The following RTN1 variants were observed in gnomAD, a reference collection of about 807,000 sequenced individuals.
RTN1 encodes the protein reticulon-1.
In RTN1, 25 loss-of-function variants were observed where a neutral mutation model predicts 65.5. The ratio of observed to expected loss-of-function variants is 0.38; its 90% CI spans 0.28 to 0.53. RTN1 has a LOEUF of 0.53. Among genes scored for constraint, RTN1 ranks in the 20% least tolerant of loss-of-function variants. The pLI is 0.79. For synonymous variants in RTN1, 471 were observed against 447.6 expected (o/e 1.05, Z -0.66); for missense variants, 983 against 1,025.4 (o/e 0.96, Z 0.57).
In RTN1 at chr14:59,790,267, TCA is replaced by T. The variant is rs961435040; in HGVS notation, c.242-43788_242-43787del. ...ACAATCTACTCATTCATTATGTATG[TCA>T]CACACACACACAGACACACACACAC... On this transcript the variant is annotated intron_variant, in intron 1 of 8. Coordinates refer to ENST00000267484, the MANE Select transcript of RTN1 (RefSeq NM_021136.3). The surrounding 1 kb of genome is among the most constrained non-coding windows in gnomAD (Gnocchi z 4.1). 2.0e-5 allele frequency among the ~76,000 whole-genome samples: 3 copies of T among 151,198 alleles called. No homozygotes were observed. Among genetic ancestry groups the T allele is most frequent in the East Asian group, 1.9e-4 (1 of 5,166 alleles).
intron 3 of RTN1, among the ~76,000 whole-genome samples, chr14:59,669,912 T>C (rs770621132): frequency 3.9e-5 from 6 of 152,334 alleles, no homozygotes; most frequent in African/African-American, 1.4e-4. Flanking sequence ...GACTCCTTGT[T>C]CCAGAGCAAC....
rs115579322 is a variant in RTN1 at position 59,839,321 on chromosome 14, C to T, written c.241+31069G>A. Among the ~76,000 whole-genome samples the T allele has an allele frequency of 3.1e-3, 467 of 152,222 alleles. 2 individuals are homozygous for T. The highest frequency in any genetic ancestry group is 0.011 in the African/African-American group (439 of 41,554). On this transcript the variant is annotated intron_variant, in intron 1 of 8. Coordinates refer to ENST00000267484, the MANE Select transcript of RTN1 (RefSeq NM_021136.3). Reference sequence around the variant, plus strand: ...CAGGAACCCTATCTTCCTTTAAAAACGTTTAAAACACTCATTAGCCTGTCT... The same window carrying T: ...CAGGAACCCTATCTTCCTTTAAAAATGTTTAAAACACTCATTAGCCTGTCT...
chr14:59,855,869 C>T (rs1887597870), intron 1 of RTN1, among the ~76,000 whole-genome samples: 1 of 152,160 alleles, frequency 6.6e-6, no homozygotes, highest in Non-Finnish European at 1.5e-5. Flanking sequence ...CCCTCCTTGG[C>T]TTTTGTGGTG....
chr14:59,621,884 A>G (rs1171132919), intron 3 of RTN1, among the ~76,000 whole-genome samples: 1 of 152,246 alleles, frequency 6.6e-6, no homozygotes, highest in African/African-American at 2.4e-5. Flanking sequence ...GTAAAATGTG[A>G]CATAAGCGGA....
chr14:59,861,284 G>T (rs1887705234), intron 1 of RTN1, among the ~76,000 whole-genome samples: 1 of 152,086 alleles, frequency 6.6e-6, no homozygotes, highest in South Asian at 2.1e-4. Context: ...TTATAAGGGG[G>T]ATTTTCCCTG....
intron 1 of RTN1, among the ~76,000 whole-genome samples, chr14:59,819,205 G>T (rs939180101): frequency 6.6e-6 from 1 of 152,080 alleles, no homozygotes; most frequent in Non-Finnish European, 1.5e-5. Context: ...GGACCTGAAA[G>T]GTGAGCAGCA....
chr14:59,730,053 T>C (rs1181322451), intron 2 of RTN1, among the ~76,000 whole-genome samples: 4 of 152,224 alleles, frequency 2.6e-5, no homozygotes, highest in Non-Finnish European at 5.9e-5. Flanking sequence ...TTGTCGGTTT[T>C]CTTGGCCATC....
At chr14:59,847,967 G>A (rs937583624) in intron 1 of RTN1, among the ~76,000 whole-genome samples, 2 of 152,124 alleles carry the variant, frequency 1.3e-5, no homozygotes, top group Non-Finnish European at 2.9e-5. Context: ...CACTCTGCTG[G>A]AGACCTGAAA....
Position 59,727,284 on chromosome 14 carries a change from A to G in RTN1, c.1400T>C (p.Ile467Thr). The G allele has an allele frequency of 6.7e-7, 1 of 1,503,004 alleles. No individual in the cohort carries two copies. The highest frequency in any genetic ancestry group is 8.9e-7 in the Non-Finnish European group (1 of 1,125,178). 93.1% of individuals were successfully genotyped at this position (1,503,004 alleles called of 1,614,324 possible). Residue 467 changes from isoleucine to threonine, a missense_variant, in exon 3 of 9, where the codon ATC becomes ACC. Coordinates refer to ENST00000267484, the MANE Select transcript of RTN1 (RefSeq NM_021136.3). This position sits in a 1 kb window ranked among gnomAD's most constrained non-coding sequence, Gnocchi z 4.2. ...CGAGGAGGCGTCGCACGACTCGATGATGAGCTCGCTGTCCAGCTCGGCCTC... is the reference window on the plus strand; with the variant it reads ...CGAGGAGGCGTCGCACGACTCGATGGTGAGCTCGCTGTCCAGCTCGGCCTC... Reference protein sequence around the residue: ...EREAELDSELIIESCDASSAS... With the variant: ...EREAELDSELTIESCDASSAS...
At chr14:59,819,244 C>T (rs1033728800) in intron 1 of RTN1, among the ~76,000 whole-genome samples, 3 of 152,136 alleles carry the variant, frequency 2.0e-5, no homozygotes, top group Non-Finnish European at 1.5e-5. Context: ...AGCGAAAGAA[C>T]TAACCTTCCA....
intron 2 of RTN1, among the ~76,000 whole-genome samples, chr14:59,731,731 T>C (rs1479096616): frequency 4.6e-5 from 7 of 152,208 alleles, no homozygotes; most frequent in African/African-American, 1.7e-4. Context: ...CTCAACAGTA[T>C]TTGACACACT....
rs1594703612 is a variant in RTN1 at position 59,727,369 on chromosome 14, C to T, written c.1315G>A (p.Gly439Ser). Residue 439 changes from glycine to serine, a missense_variant, in exon 3 of 9, where the codon GGC (glycine) becomes AGC (serine). Physicochemically the swap from Gly to Ser is moderately conservative, Grantham distance 56. Coordinates refer to ENST00000267484, the MANE Select transcript of RTN1 (RefSeq NM_021136.3). The surrounding 1 kb of genome is among the most constrained non-coding windows in gnomAD (Gnocchi z 4.2). ...GGCGAGGCGGGCGAGGGCGGCGGGC[C>T]GCCCACGTGGCCAAAGCTCACATAG... is the stretch of plus-strand genomic sequence containing the variant. Reference protein sequence around the residue: ...SGYVSFGHVGGPPPSPASPSI... With the variant: ...SGYVSFGHVGSPPPSPASPSI... 2 of 1,517,912 alleles carry T rather than the reference C, an allele frequency of 1.3e-6. No homozygotes were observed. The highest frequency in any genetic ancestry group is 2.1e-5 in the Admixed American group (1 of 48,692). 94.0% of individuals were successfully genotyped at this position (1,517,912 alleles called of 1,614,324 possible).
rs893782443 is a variant in RTN1, at chr14:59,790,719, T to C, written c.242-44238A>G. Among the ~76,000 whole-genome samples, 5 of 152,150 alleles carry C rather than the reference T, an allele frequency of 3.3e-5. No individual in the cohort carries two copies. Among genetic ancestry groups the C allele is most frequent in the Non-Finnish European group, 7.4e-5 (5 of 68,022 alleles). ...CTTTTTTTGCAAGTTCTTTTTAATG[T>C]TTTTTCTTTTTCATTTGTTCTATTT... On this transcript the variant is annotated intron_variant, in intron 1 of 8. Coordinates refer to ENST00000267484, the MANE Select transcript of RTN1 (RefSeq NM_021136.3). This position sits in a 1 kb window ranked among gnomAD's most constrained non-coding sequence, Gnocchi z 4.1.
intron 8 of RTN1, among the ~76,000 whole-genome samples, chr14:59,597,015 C>G (rs943858232): frequency 6.6e-6 from 1 of 152,126 alleles, no homozygotes; most frequent in African/African-American, 2.4e-5. Context: ...AAGAAAGCCA[C>G]ATTTTTTAGA....
chr14:59,659,624 C>T (rs1488837059), intron 3 of RTN1, among the ~76,000 whole-genome samples: 6 of 152,198 alleles, frequency 3.9e-5, no homozygotes, highest in Non-Finnish European at 8.8e-5. Flanking sequence ...CCCAGAATTT[C>T]ATATCCAGCC....
chr14:59,850,569 A>C (rs758648090), intron 1 of RTN1, among the ~76,000 whole-genome samples: 2 of 152,236 alleles, frequency 1.3e-5, no homozygotes, highest in Non-Finnish European at 2.9e-5. Context: ...AGTATAATAA[A>C]GAGAGCATGA....
At chr14:59,710,767 C>T (rs907749482) in intron 3 of RTN1, among the ~76,000 whole-genome samples, 5 of 152,206 alleles carry the variant, frequency 3.3e-5, no homozygotes, top group Non-Finnish European at 7.3e-5. Context: ...GCCTCACATT[C>T]TCTCATCTCC....
At chr14:59,672,886 C>T (rs576880570) in intron 3 of RTN1, among the ~76,000 whole-genome samples, 26 of 151,120 alleles carry the variant, frequency 1.7e-4, no homozygotes, top group Admixed American at 3.3e-4. Context: ...ATGATCCACC[C>T]GCCTCGGCCT....
At chr14:59,764,323 C>CT (rs963851147) in intron 1 of RTN1, among the ~76,000 whole-genome samples, 298 of 144,126 alleles carry the variant, frequency 2.1e-3, no homozygotes, top group South Asian at 7.7e-3. Flanking sequence ...TGAAGTGCTA[C>CT]TTTTTTTTTT....
Sources: allele counts gnomAD v4.1 joint callset (sites outside exome capture counted in the v4.1 genomes callset), GRCh38; gene constraint gnomAD v4.1.1; non-coding constraint Gnocchi (gnomAD v3.1); transcripts MANE v1.5; gene names NCBI Gene and HGNC (gene_info 2026-07-23, HGNC 2026-07-21).